AGMO: variants seen among roughly 807,000 people sequenced by gnomAD.
AGMO encodes the protein alkylglycerol monooxygenase.
Under a neutral mutation model 60.2 loss-of-function variants are expected in AGMO, and 75 were observed. The observed-to-expected ratio is 1.25, with a 90% confidence interval of 1.03 to 1.51. The LOEUF (loss-of-function observed/expected upper bound fraction) is 1.51. Among genes scored for constraint, AGMO ranks in the 40% most tolerant of loss-of-function variants. AGMO has a pLI of 0.00. For synonymous variants in AGMO, 261 were observed against 177.1 expected, an observed-to-expected ratio of 1.47 and a Z score of -3.76; for missense variants, 763 against 525.5, an observed-to-expected ratio of 1.45 and a Z score of -4.42.
intron 12 of AGMO, among the ~76,000 whole-genome samples, chr7:15,226,986 A>G (rs1782102179): frequency 6.6e-6 from 1 of 152,070 alleles, no homozygotes; most frequent in Admixed American, 6.6e-5. Flanking sequence ...GTTAGGGAAG[A>G]ATGTTGCGTT....
the AGMO span, among the ~76,000 whole-genome samples, chr7:15,132,832 C>A: frequency 2.0e-5 from 3 of 152,098 alleles, no homozygotes; most frequent in Admixed American, 2.0e-4. Context: ...TTTCATTTTA[C>A]AACAGGGAGT....
At chr7:15,287,153 A>C (rs1006512891) in intron 12 of AGMO, among the ~76,000 whole-genome samples, 1 of 152,118 alleles carries the variant, frequency 6.6e-6, no homozygotes, top group African/African-American at 2.4e-5. Context: ...GAATGCAATA[A>C]AATCTTAGGT....
chr7:15,521,289 T>C (rs1783978075), intron 3 of AGMO, among the ~76,000 whole-genome samples: 3 of 152,194 alleles, frequency 2.0e-5, no homozygotes, highest in Admixed American at 2.0e-4. Flanking sequence ...CTGGTACCAT[T>C]CCTTCTAAAA....
At chr7:15,387,640 G>T (rs993903588) in intron 8 of AGMO, 100 bp from the exon 9 acceptor site, 1 of 1,069,110 alleles carries the variant, frequency 9.4e-7, no homozygotes, top group Non-Finnish European at 1.3e-6. Context: ...GGTAATTTAC[G>T]TATTTAAAAC....
At chr7:15,512,900 T>C (rs956399281) in intron 3 of AGMO, among the ~76,000 whole-genome samples, 1 of 152,174 alleles carries the variant, frequency 6.6e-6, no homozygotes, top group African/African-American at 2.4e-5. Context: ...TGAGTAATGT[T>C]CTCTTCTGCT....
intron 12 of AGMO, among the ~76,000 whole-genome samples, chr7:15,223,398 A>G (rs13438153): frequency 0.099 from 15,014 of 151,948 alleles, 877 homozygotes; most frequent in South Asian, 0.2. Context: ...TATCCTTATA[A>G]AAATACAATT....
chr7:15,379,476 T>G (rs889218604), intron 10 of AGMO, among the ~76,000 whole-genome samples: 1 of 152,120 alleles, frequency 6.6e-6, no homozygotes, highest in Non-Finnish European at 1.5e-5. Context: ...GAAAATATTA[T>G]GAACACTTAC....
intron 12 of AGMO, among the ~76,000 whole-genome samples, chr7:15,266,447 TTC>T (rs1475093156): frequency 6.6e-6 from 1 of 152,068 alleles, no homozygotes; most frequent in African/African-American, 2.4e-5. Flanking sequence ...TGTGAAAGAT[TTC>T]TTTCTTATAA....
At chr7:15,403,234 G>A (rs1784601528) in intron 5 of AGMO, among the ~76,000 whole-genome samples, 1 of 151,928 alleles carries the variant, frequency 6.6e-6, no homozygotes, top group Non-Finnish European at 1.5e-5. Flanking sequence ...TAATTTTAGT[G>A]TAGATGTGTG....
chr7:15,214,777 A>G (rs1205586010), intron 12 of AGMO, among the ~76,000 whole-genome samples: 1 of 152,064 alleles, frequency 6.6e-6, no homozygotes, highest in Admixed American at 6.6e-5. Context: ...ACACCTTGCA[A>G]TTGGTGGTAA....
intron 12 of AGMO, among the ~76,000 whole-genome samples, chr7:15,252,448 G>A (rs1012642325): frequency 1.3e-5 from 2 of 152,202 alleles, no homozygotes; most frequent in East Asian, 3.9e-4. Context: ...ACATATGACT[G>A]TACTGCCTTT....
intron 3 of AGMO, among the ~76,000 whole-genome samples, chr7:15,510,446 G>C (rs1783639931): frequency 6.6e-6 from 1 of 151,846 alleles, no homozygotes; most frequent in South Asian, 2.1e-4. Context: ...CCAAAGTGCT[G>C]AGATTACTGA....
chr7:15,449,793 G>A (rs1201604949), intron 3 of AGMO, among the ~76,000 whole-genome samples: 3 of 152,218 alleles, frequency 2.0e-5, no homozygotes, highest in Middle Eastern at 6.8e-3. Context: ...TAAAAATCAC[G>A]TTATGTGCAT....
intron 10 of AGMO, among the ~76,000 whole-genome samples, chr7:15,372,081 C>T (rs1783240941): frequency 6.6e-6 from 1 of 151,994 alleles, no homozygotes; most frequent in African/African-American, 2.4e-5. Context: ...GGTTCATTTT[C>T]CTATGGAACT....
At chr7:15,478,759 C>CGG (rs1362420860) in intron 3 of AGMO, among the ~76,000 whole-genome samples, 1 of 152,146 alleles carries the variant, frequency 6.6e-6, no homozygotes, top group Non-Finnish European at 1.5e-5. Flanking sequence ...AAAGCCTGTT[C>CGG]AGGTCAGATA....
At chr7:15,138,112 C>T in the AGMO span, among the ~76,000 whole-genome samples, 4 of 152,130 alleles carry the variant, frequency 2.6e-5, no homozygotes, top group Middle Eastern at 3.2e-3. Context: ...ACCAGCCCCC[C>T]AAAAAGTTAG....
intron 12 of AGMO, among the ~76,000 whole-genome samples, chr7:15,292,751 CTTTTTTTTTTTTTTTTTTT>C (rs765222435): frequency 1.1e-5 from 1 of 95,128 alleles, no homozygotes; most frequent in Non-Finnish European, 1.9e-5. Context: ...TTTTTTTTTC[CTTTTTTTTTTTTTTTTTTT>C]TTTTGAGACA....
intron 12 of AGMO, among the ~76,000 whole-genome samples, chr7:15,266,679 T>G: frequency 6.6e-6 from 1 of 152,050 alleles, no homozygotes; most frequent in South Asian, 2.1e-4. Context: ...GGAGCTTTCC[T>G]TGATGAGTTT....
intron 12 of AGMO, among the ~76,000 whole-genome samples, chr7:15,239,462 G>A (rs553472294): frequency 6.6e-6 from 1 of 152,180 alleles, no homozygotes; most frequent in East Asian, 1.9e-4. Context: ...GAATAATTAA[G>A]TCATGTTACC....
Sources: gnomAD v4.1 joint callset for allele counts (sites outside exome capture counted in the v4.1 genomes callset) on GRCh38, gnomAD v4.1.1 for gene constraint, MANE v1.5 for transcripts, NCBI Gene and HGNC (gene_info 2026-07-23, HGNC 2026-07-21) for gene names.